The following SYNE2 variants were observed in gnomAD, a reference collection of about 807,000 sequenced individuals.
SYNE2 encodes spectrin repeat containing nuclear envelope protein 2, also known as nesprin-2.
In SYNE2, 431 loss-of-function variants were observed where a neutral mutation model predicts 856.3. The ratio of observed to expected loss-of-function variants is 0.50; its 90% confidence interval spans 0.47 to 0.55. The LOEUF (loss-of-function observed/expected upper bound fraction) is 0.55. SYNE2 is among the 20% of genes least tolerant of loss of function. The probability of loss-of-function intolerance (pLI) is 0.00; values close to 1 mark genes in which losing one functional copy is unlikely to be tolerated. For missense variants in SYNE2, 8,129 were observed against 8,023.2 expected (o/e 1.01, Z -0.50); for synonymous variants, 2,923 against 2,872.3 (o/e 1.02, Z -0.56).
chr14:64,017,530 C>T (rs2096902614), intron 33 of SYNE2, 65 bp from the exon 34 acceptor site: 3 of 1,332,916 alleles, frequency 2.3e-6, no homozygotes, highest in Non-Finnish European at 3.2e-6. Context: ...CAGTGTTTGG[C>T]TGAAACAGTG....
chr14:63,994,600 A>T (rs1267687060), intron 22 of SYNE2, among the ~76,000 whole-genome samples: 1 of 152,136 alleles, frequency 6.6e-6, no homozygotes, highest in African/African-American at 2.4e-5. Flanking sequence ...TTAATACATT[A>T]TTTTTTCTAG....
intron 34 of SYNE2, among the ~76,000 whole-genome samples, 186 bp from the exon 35 acceptor site, chr14:64,019,806 T>C: frequency 6.6e-6 from 1 of 152,210 alleles, no homozygotes; most frequent in Non-Finnish European, 1.5e-5. Flanking sequence ...AGACGCTTGG[T>C]TGTAGCATTT....
rs1392563793 is a variant in SYNE2 at position 64,225,328 on chromosome 14, C to T, written c.20526C>T (p.Gly6842=). Residue 6842 remains glycine, a synonymous_variant, in exon 116 of 116, where the codon GGC becomes GGT. Transcript: ENST00000555002. ...GEEETESRVP[G]STRPQRSFLS... ...CCTCCTCTGTTGGCAGGGTCCCCGG[C>T]AGCACACGGCCACAGCGCTCCTTCC... is the stretch of plus-strand genomic sequence containing the variant. 1 of 1,614,140 alleles carries T rather than the reference C, an allele frequency of 6.2e-7. No homozygotes were observed. The highest frequency in any genetic ancestry group is 1.3e-5 in the African/African-American group (1 of 75,040).
intron 72 of SYNE2, 29 bp from the exon 73 acceptor site, chr14:64,126,568 AT>A: frequency 6.2e-7 from 1 of 1,614,154 alleles, no homozygotes; most frequent in Non-Finnish European, 8.5e-7. Flanking sequence ...GTCAGAGCTC[AT>A]TCATTGTCTT....
chr14:64,175,083 A>G lies in SYNE2; in HGVS notation c.17375A>G (p.Lys5792Arg), dbSNP rs1315544219. The change falls in exon 95 of 116, where the codon AAA becomes AGA. Residue 5792 changes from lysine to arginine, a missense_variant. Around this residue, in one of 3 missense-constraint regions of SYNE2, gnomAD observed 5,410 missense variants for 5,284.8 expected, o/e 1.02. Coordinates refer to ENST00000555002, the MANE Select transcript of SYNE2 (RefSeq NM_182914.3). ...RRISQLQDSW[K>R]DMEPQLAEMI... ...ATCAGTCAACTTCAGGACAGCTGGA[A>G]AGACATGGAGCCCCAGCTGGCAGAG... 1 of 1,614,084 alleles carries G rather than the reference A, an allele frequency of 6.2e-7. No homozygotes were observed. Among genetic ancestry groups the G allele is most frequent in the African/African-American group, 1.3e-5 (1 of 74,940 alleles).
intron 1 of SYNE2, among the ~76,000 whole-genome samples, chr14:63,860,852 T>C (rs1195665438): frequency 6.6e-6 from 1 of 152,172 alleles, no homozygotes; most frequent in Non-Finnish European, 1.5e-5. Flanking sequence ...CAGAGGAACA[T>C]GCAATCAGTG....
At chr14:64,098,251 G>A (rs752811313) in intron 62 of SYNE2, 105 bp downstream of exon 62, 20 of 1,258,298 alleles carry the variant, frequency 1.6e-5, no homozygotes, top group Non-Finnish European at 2.3e-5. Flanking sequence ...ATGGCCTGTA[G>A]TAAAGGAATT....
chr14:64,165,213 C>T, intron 89 of SYNE2, 72 bp from the exon 90 acceptor site: 1 of 1,542,000 alleles, frequency 6.5e-7, no homozygotes, highest in Admixed American at 1.7e-5. Context: ...TTTAGCAGCT[C>T]CCAAGCCTGT....
intron 6 of SYNE2, among the ~76,000 whole-genome samples, chr14:63,943,715 G>A (rs560823404): frequency 1.8e-4 from 27 of 150,542 alleles, no homozygotes; most frequent in South Asian, 1.5e-3. Context: ...CTGTCGCCCA[G>A]GCTGGAGTGC....
intron 2 of SYNE2, among the ~76,000 whole-genome samples, chr14:63,912,774 C>T (rs2095488004): frequency 6.6e-6 from 1 of 152,184 alleles, no homozygotes. Flanking sequence ...AAGCATATAG[C>T]CCGTATGTAC....
At chr14:63,907,474 T>G (rs1392241688) in intron 1 of SYNE2, among the ~76,000 whole-genome samples, 1 of 152,208 alleles carries the variant, frequency 6.6e-6, no homozygotes, top group Non-Finnish European at 1.5e-5. Flanking sequence ...TGGAGATAAC[T>G]GTAGTTCCTA....
At chr14:64,148,184 G>A (rs1003294267) in intron 84 of SYNE2, among the ~76,000 whole-genome samples, 6 of 152,190 alleles carry the variant, frequency 3.9e-5, no homozygotes, top group African/African-American at 1.4e-4. Context: ...GCATGGTGGT[G>A]CATGCCTGTA....
At chr14:63,969,663 A>G (rs2096449456) in intron 11 of SYNE2, among the ~76,000 whole-genome samples, 1 of 151,784 alleles carries the variant, frequency 6.6e-6, no homozygotes, top group African/African-American at 2.4e-5. Flanking sequence ...ATGGCTGAAT[A>G]GTACTCCATT....
intron 79 of SYNE2, among the ~76,000 whole-genome samples, chr14:64,138,947 G>A (rs370972932): frequency 9.2e-5 from 5 of 54,208 alleles, no homozygotes; most frequent in African/African-American, 3.6e-4. Context: ...TGTATGTATG[G>A]TGTGTGTGTG....
intron 1 of SYNE2, among the ~76,000 whole-genome samples, chr14:63,856,016 G>A (rs1891623271): frequency 6.6e-6 from 1 of 152,184 alleles, no homozygotes; most frequent in South Asian, 2.1e-4. Flanking sequence ...TGGCATAAGA[G>A]GTTGTAGAGA....
rs762293183 is a variant in SYNE2, at chr14:64,007,212, G to A, written c.4567G>A (p.Val1523Ile). 2 of 1,613,998 alleles carry A rather than the reference G, an allele frequency of 1.2e-6. No homozygotes were observed. The highest frequency in any genetic ancestry group is 1.7e-5 in the Admixed American group (1 of 60,022). ...CTTGTGGGAGAATACCAAAGCCTTG[G>A]TCACCGAATGGTAAGGAAAAAAAAG... ...VVLWENTKALVTECLEQCGRV... is the reference protein window; with the variant it reads ...VVLWENTKALITECLEQCGRV... Residue 1523 changes from valine (V) to isoleucine (I), a missense_variant, in exon 31 of 116, where the codon GTC (valine) becomes ATC (isoleucine). Transcript: ENST00000555002.
chr14:64,167,568 A>G lies in SYNE2; in HGVS notation c.16834A>G (p.Ile5612Val). The change falls in exon 92 of 116, where the codon ATA becomes GTA. Residue 5612 changes from isoleucine (I) to valine (V), a missense_variant. Ile to Val is a conservative substitution (Grantham distance 29). Around this residue, in one of 3 missense-constraint regions of SYNE2, gnomAD observed 5,410 missense variants for 5,284.8 expected, o/e 1.02. Transcript: ENST00000555002. ...AAAGTGGATCCAACTTTTGGAGAAG[A>G]TAGAAGAAGCACTCAAAGTGGATGT... The part of the protein sequence containing the change: ...CEKWIQLLEK[I>V]EEALKVDVAN... 2 of 1,614,230 alleles carry G rather than the reference A, an allele frequency of 1.2e-6. No homozygotes were observed. Among genetic ancestry groups the G allele is most frequent in the South Asian group, 1.1e-5 (1 of 91,084 alleles).
At chr14:63,835,056 A>G (rs1201268773) in intron 1 of SYNE2, among the ~76,000 whole-genome samples, 2 of 152,306 alleles carry the variant, frequency 1.3e-5, no homozygotes, top group African/African-American at 4.8e-5. Flanking sequence ...TTATTTATTC[A>G]TTAATTCAAC....
In SYNE2 at chr14:64,010,078, T is replaced by C; in HGVS notation, c.4690T>C (p.Tyr1564His). 1 of 1,613,844 alleles carries C rather than the reference T, an allele frequency of 6.2e-7. No individual in the cohort carries two copies. Among genetic ancestry groups the C allele is most frequent in the Non-Finnish European group, 8.5e-7 (1 of 1,179,850 alleles). Reference protein sequence around the residue: ...EESVISLQASYMGKENLKKRI... With the variant: ...EESVISLQASHMGKENLKKRI... ...GAGTGTCATCTCCCTGCAGGCTTCG[T>C]ACATGGGAAAGGAGAACCTGAAGAA... is the stretch of plus-strand genomic sequence containing the variant. Residue 1564 changes from tyrosine (Y) to histidine (H), a missense_variant, in exon 32 of 116, where the codon TAC (tyrosine) becomes CAC (histidine). Tyr to His is a moderately conservative substitution (Grantham distance 83, BLOSUM62 2). Coordinates refer to ENST00000555002, the MANE Select transcript of SYNE2 (RefSeq NM_182914.3).
Sources: allele counts gnomAD v4.1 joint callset (sites outside exome capture counted in the v4.1 genomes callset), GRCh38; gene constraint gnomAD v4.1.1; regional missense constraint gnomAD v4.1.1; transcripts MANE v1.5; gene names NCBI Gene and HGNC (gene_info 2026-07-23, HGNC 2026-07-21).